CENPH: variants seen among roughly 807,000 people sequenced by gnomAD.
The protein encoded by CENPH is centromere protein H.
In CENPH, 40 loss-of-function variants were observed where a neutral mutation model predicts 42.9. The observed-to-expected ratio is 0.93, with a 90% CI of 0.72 to 1.21. CENPH has a LOEUF of 1.21. Ranked by LOEUF, CENPH falls within the 50% of genes most tolerant of loss-of-function variation. The pLI, the probability that CENPH is intolerant of heterozygous loss-of-function variation, is 0.00. For synonymous variants in CENPH, 88 were observed against 96.5 expected (o/e 0.91, Z 0.52); for missense variants, 302 against 292.9 (o/e 1.03, Z -0.23).
chr5:69,204,597 C>CTTTTTTTTTTTTTTTTTT lies in CENPH; in HGVS notation c.487+1634_487+1651dup, dbSNP rs530678541. On this transcript the variant is annotated intron_variant, in intron 7 of 8. Coordinates refer to ENST00000283006, the MANE Select transcript of CENPH (RefSeq NM_022909.4). The stretch of plus-strand genomic sequence containing the variant: ...GAGCTACCACACCTGGCTTGTATTT[C>CTTTTTTTTTTTTTTTTTT]TTTTTTTTTTTTTTTTTTTTTTTTG... Among the ~76,000 whole-genome samples, 7 of 69,576 alleles carry CTTTTTTTTTTTTTTTTTT rather than the reference C, an allele frequency of 1.0e-4. 1 individual carries two copies. The highest frequency in any genetic ancestry group is 2.4e-4 in the Admixed American group (1 of 4,224). The allele number at this position is 69,576 out of a possible 152,430, so 45.6% of individuals were successfully genotyped here.
intron 3 of CENPH, among the ~76,000 whole-genome samples, chr5:69,194,965 C>G (rs1047133815): frequency 6.0e-5 from 9 of 149,958 alleles, no homozygotes; most frequent in Non-Finnish European, 1.3e-4. Context: ...CACGGTGACT[C>G]ATGCCTGTAA....
chr5:69,203,993 T>TAGAG (rs201121049), intron 7 of CENPH, among the ~76,000 whole-genome samples: 1 of 121,580 alleles, frequency 8.2e-6, no homozygotes, highest in South Asian at 2.7e-4. Flanking sequence ...TATATATATA[T>TAGAG]AGAGAGAGAA....
intron 7 of CENPH, among the ~76,000 whole-genome samples, chr5:69,207,308 C>G (rs1384313476): frequency 6.6e-6 from 1 of 151,796 alleles, no homozygotes; most frequent in Non-Finnish European, 1.5e-5. Flanking sequence ...CCTGCCTCAG[C>G]CTCCTGAGTA....
rs1748193467 is a variant in CENPH at position 69,208,325 on chromosome 5, T to C, written c.617T>C (p.Ile206Thr). 2 of 1,598,020 alleles carry C rather than the reference T, an allele frequency of 1.3e-6. No homozygotes were observed. The highest frequency in any genetic ancestry group is 8.6e-7 in the Non-Finnish European group (1 of 1,167,780). ...ATACGACAAAACCTACAGATGGAGA[T>C]AAAAATTACTACTGTTATTCAACAT... ...KIIRQNLQME[I>T]KITTVIQHVF... Residue 206 changes from isoleucine to threonine, a missense_variant, in exon 8 of 9, where the codon ATA (isoleucine) becomes ACA (threonine). Coordinates refer to ENST00000283006, the MANE Select transcript of CENPH (RefSeq NM_022909.4).
chr5:69,203,359 A>T lies in CENPH; in HGVS notation c.487+389A>T, dbSNP rs531789411. ...TTTTTGTATTTTTATGTTAAAAAAAATTTTTTAATATGGTATTTTTTTTTG... is the reference window on the plus strand; with the variant it reads ...TTTTTGTATTTTTATGTTAAAAAAATTTTTTTAATATGGTATTTTTTTTTG... On this transcript the variant is annotated intron_variant, in intron 7 of 8. Transcript: ENST00000283006. Among the ~76,000 whole-genome samples the T allele has an allele frequency of 1.5e-3, 221 of 144,086 alleles. 2 individuals are homozygous for T. The highest frequency in any genetic ancestry group is 4.4e-3 in the African/African-American group (181 of 40,922). 94.5% of individuals were successfully genotyped at this position (144,086 alleles called of 152,430 possible).
intron 7 of CENPH, among the ~76,000 whole-genome samples, chr5:69,207,538 T>C (rs1231209744): frequency 2.1e-5 from 3 of 144,008 alleles, no homozygotes; most frequent in Admixed American, 1.4e-4. Context: ...CCGGGCGCGG[T>C]GGCTCACGCC....
chr5:69,200,143 CA>C (rs945076952), intron 5 of CENPH, among the ~76,000 whole-genome samples: 3 of 148,294 alleles, frequency 2.0e-5, no homozygotes, highest in Admixed American at 6.8e-5. Flanking sequence ...ACAGAAAGGT[CA>C]AATAGGCTGA....
chr5:69,195,786 A>G lies in CENPH; in HGVS notation c.309A>G (p.Leu103=), dbSNP rs1462499596. ...CTTTTGAGATAAAAAAGCTTGCATT[A>G]GACAGGTAATTATTACATTTTAAAT... ...KVAFEIKKLA[L]DRMRLSTALK... is the part of the protein sequence containing the mutation. The change falls in exon 4 of 9, where the codon TTA becomes TTG. Residue 103 remains leucine, a synonymous_variant. Transcript: ENST00000283006. 1 of 1,474,848 alleles carries G rather than the reference A, an allele frequency of 6.8e-7. No homozygotes were observed. Among genetic ancestry groups the G allele is most frequent in the Non-Finnish European group, 9.3e-7 (1 of 1,072,504 alleles). 91.4% of individuals were successfully genotyped at this position (1,474,848 alleles called of 1,614,324 possible).
intron 5 of CENPH, among the ~76,000 whole-genome samples, chr5:69,197,989 C>T (rs1233899592): frequency 1.7e-4 from 24 of 142,554 alleles, no homozygotes; most frequent in African/African-American, 6.0e-4. Context: ...GGCACGATCT[C>T]GGCTCACTGC....
intron 5 of CENPH, chr5:69,197,486 C>G (rs1017550587): frequency 6.3e-6 from 1 of 158,180 alleles, no homozygotes; most frequent in East Asian, 1.8e-4. Context: ...TGAGCTTATT[C>G]GGATCCAACA....
chr5:69,208,049 C>T (rs768074872), intron 7 of CENPH, 147 bp from the exon 8 acceptor site: 6 of 448,346 alleles, frequency 1.3e-5, no homozygotes, highest in South Asian at 4.2e-5. Context: ...ATTTTCAGAT[C>T]GTAATAAAGT....
intron 2 of CENPH, 70 bp downstream of exon 2, chr5:69,191,920 T>A: frequency 1.1e-6 from 1 of 904,852 alleles, no homozygotes; most frequent in Non-Finnish European, 1.8e-6. Context: ...AGGGTCTTGC[T>A]ATCACCCAGG....
At chr5:69,199,108 T>C (rs1005459858) in intron 5 of CENPH, among the ~76,000 whole-genome samples, 21 of 152,286 alleles carry the variant, frequency 1.4e-4, no homozygotes, top group Non-Finnish European at 3.1e-4. Flanking sequence ...AAGAAGGCTT[T>C]GAGTACTGTA....
chr5:69,209,763 T>G lies in CENPH; in HGVS notation c.708T>G (p.Ile236Met). Residue 236 changes from isoleucine to methionine, a missense_variant, in exon 9 of 9, where the codon ATT becomes ATG. Coordinates refer to ENST00000283006, the MANE Select transcript of CENPH (RefSeq NM_022909.4). ...NWAEDPALKE[I>M]VLQLEKNVDM... ...CAGAGGATCCTGCCCTTAAGGAAATTGTTCTGCAGCTTGAGAAGAATGTTG... is the reference window on the plus strand; with the variant it reads ...CAGAGGATCCTGCCCTTAAGGAAATGGTTCTGCAGCTTGAGAAGAATGTTG... 6.2e-7 allele frequency: 1 copy of G among 1,605,358 alleles called. No individual in the cohort carries two copies. The highest frequency in any genetic ancestry group is 8.5e-7 in the Non-Finnish European group (1 of 1,173,430).
At chr5:69,193,617 C>G (rs932465275) in intron 2 of CENPH, among the ~76,000 whole-genome samples, 3 of 151,194 alleles carry the variant, frequency 2.0e-5, no homozygotes, top group Non-Finnish European at 4.4e-5. Context: ...GAGACCCTGT[C>G]TCCCCCAAAA....
intron 3 of CENPH, among the ~76,000 whole-genome samples, chr5:69,195,472 A>G (rs1460108460): frequency 6.6e-6 from 1 of 151,976 alleles, no homozygotes; most frequent in Non-Finnish European, 1.5e-5. Flanking sequence ...TGGGATGGAG[A>G]TTTATATGTA....
rs76888508 is a variant in CENPH at position 69,194,936 on chromosome 5, T to A, written c.239+241T>A. Among the ~76,000 whole-genome samples, 60 of 140,812 alleles carry A rather than the reference T, an allele frequency of 4.3e-4. 1 individual carries two copies. The highest frequency in any genetic ancestry group is 1.4e-3 in the African/African-American group (52 of 37,342). The allele number at this position is 140,812 out of a possible 152,430, so 92.4% of individuals were successfully genotyped here. A position where few individuals can be genotyped will look rare whatever the true frequency, so the allele number is the denominator to read the frequency against. On this transcript the variant is annotated intron_variant, in intron 3 of 8. Coordinates refer to ENST00000283006, the MANE Select transcript of CENPH (RefSeq NM_022909.4). ...TTTCTTTCTTTTTTTTTTTTTTTTTTAAATATTTTAGGGCCAGGCACGGTG... is the reference window on the plus strand; with the variant it reads ...TTTCTTTCTTTTTTTTTTTTTTTTTAAAATATTTTAGGGCCAGGCACGGTG...
intron 4 of CENPH, among the ~76,000 whole-genome samples, chr5:69,196,799 A>G (rs1747971117): frequency 6.6e-6 from 1 of 152,202 alleles, no homozygotes; most frequent in Admixed American, 6.5e-5. Flanking sequence ...CATTCAGCTC[A>G]GGCCAGGTTT....
At chr5:69,190,182 T>C (rs938832659) in intron 1 of CENPH, among the ~76,000 whole-genome samples, 3 of 152,222 alleles carry the variant, frequency 2.0e-5, no homozygotes, top group South Asian at 2.1e-4. Flanking sequence ...TAAATTCTAC[T>C]AAGCGGACGG....
Sources: allele counts gnomAD v4.1 joint callset (sites outside exome capture counted in the v4.1 genomes callset), GRCh38; gene constraint gnomAD v4.1.1; transcripts MANE v1.5; gene names NCBI Gene and HGNC (gene_info 2026-07-23, HGNC 2026-07-21).